The following PATJ variants were observed in gnomAD, a reference collection of about 807,000 sequenced individuals.
PATJ encodes the protein PATJ crumbs cell polarity complex component.
PATJ carries 190 observed loss-of-function variants against 224.9 expected under a neutral mutation model. The observed-to-expected ratio is 0.84, with a 90% CI of 0.75 to 0.95. The LOEUF is 0.95. PATJ is among the 40% of genes least tolerant of loss of function. The pLI is 0.00. For synonymous variants in PATJ, 769 were observed against 820.3 expected (o/e 0.94, Z 1.07); for missense variants, 2,121 against 2,270.3 (o/e 0.93, Z 1.34).
chr1:62,111,009 C>A (rs17123095), intron 34 of PATJ, among the ~76,000 whole-genome samples: 2,681 of 152,318 alleles, frequency 0.018, 87 homozygotes, highest in African/African-American at 0.061. Flanking sequence ...CGGCACATTT[C>A]GTGGTATCTC....
chr1:61,865,790 T>A (rs139388690), intron 20 of PATJ, among the ~76,000 whole-genome samples: 347 of 152,274 alleles, frequency 2.3e-3, no homozygotes, highest in Admixed American at 5.8e-3. Flanking sequence ...TGCTTCCCTC[T>A]CTGAGGTTGG....
Position 61,822,856 on chromosome 1 carries a change from G to T in PATJ, c.1684-89G>T, listed in dbSNP as rs939865099. On this transcript the variant is annotated intron_variant, in intron 14 of 43. Coordinates refer to ENST00000642238, the MANE Select transcript of PATJ (RefSeq NM_001350145.3). ...TTGGTGATCTAATTCAAGAGGTGGG[G>T]TTTTTCACTTCAAAATAGCACTGGA... is the stretch of plus-strand genomic sequence containing the variant. The T allele has an allele frequency of 8.8e-6, 13 of 1,471,528 alleles. No homozygotes were observed. The South Asian group carries it at 1.6e-4, about 18-fold the overall frequency. 91.2% of individuals were successfully genotyped at this position (1,471,528 alleles called of 1,614,324 possible).
At chr1:61,882,579 T>C (rs913065195) in intron 21 of PATJ, among the ~76,000 whole-genome samples, 1 of 152,126 alleles carries the variant, frequency 6.6e-6, no homozygotes, top group African/African-American at 2.4e-5. Context: ...ATCTTCTGGG[T>C]TTCTTTTTCC....
intron 10 of PATJ, 115 bp downstream of exon 10, chr1:61,795,673 A>T: frequency 1.8e-6 from 1 of 563,760 alleles, no homozygotes; most frequent in Non-Finnish European, 3.0e-6. Context: ...GTTTTTTAAA[A>T]AATTAAGTTT....
chr1:61,794,012 C>T (rs1650487880), intron 9 of PATJ, among the ~76,000 whole-genome samples: 1 of 146,658 alleles, frequency 6.8e-6, no homozygotes, highest in Admixed American at 6.9e-5. Flanking sequence ...AAGCGATTCT[C>T]CTGCCTCAGC....
At chr1:62,114,499 G>T (rs950970515) in intron 35 of PATJ, 10 of 336,848 alleles carry the variant, frequency 3.0e-5, no homozygotes, top group Middle Eastern at 7.9e-4. Flanking sequence ...AACTAGCAAG[G>T]TTCTTTCACT....
chr1:62,034,442 C>CAAA (rs58542108), intron 29 of PATJ, among the ~76,000 whole-genome samples: 18 of 100,126 alleles, frequency 1.8e-4, no homozygotes, highest in Non-Finnish European at 2.7e-4. Flanking sequence ...GACTCTGTCT[C>CAAA]AAAAAAAAAA....
rs371182056 is a variant in PATJ at position 61,897,820 on chromosome 1, G to A, written c.3132-1763G>A. Among the ~76,000 whole-genome samples, 9 of 150,414 alleles carry A rather than the reference G, an allele frequency of 6.0e-5. No individual in the cohort carries two copies. The South Asian group carries it at 8.7e-4, about 14-fold the overall frequency. On this transcript the variant is annotated intron_variant, in intron 22 of 43. Coordinates refer to ENST00000642238, the MANE Select transcript of PATJ (RefSeq NM_001350145.3). ...TTATGGAAGAAGGGGAGAAAAAGAC[G>A]TTAGAAAGTAACCAGCAAGGGTCTG...
intron 28 of PATJ, among the ~76,000 whole-genome samples, chr1:61,995,668 G>A (rs1389354887): frequency 1.3e-5 from 2 of 152,176 alleles, no homozygotes; most frequent in African/African-American, 4.8e-5. Flanking sequence ...AAGACAATAT[G>A]ATTAAATCTC....
intron 27 of PATJ, among the ~76,000 whole-genome samples, chr1:61,974,405 CTTTTTTTTTTTTT>C (rs149825131): frequency 1.6e-5 from 1 of 64,270 alleles, no homozygotes; most frequent in African/African-American, 6.3e-5. Context: ...CTCTCTCTCT[CTTTTTTTTTTTTT>C]TTTTTTTTTT....
At chr1:61,818,710 C>G (rs1198120025) in intron 14 of PATJ, among the ~76,000 whole-genome samples, 1 of 152,128 alleles carries the variant, frequency 6.6e-6, no homozygotes, top group African/African-American at 2.4e-5. Flanking sequence ...TTTTGTTCAC[C>G]ATTTAAGTTT....
intron 20 of PATJ, among the ~76,000 whole-genome samples, chr1:61,869,937 C>T (rs943098112): frequency 4.6e-5 from 7 of 152,194 alleles, no homozygotes; most frequent in Non-Finnish European, 1.0e-4. Context: ...AGGGGAGGTG[C>T]GTGCAATCCC....
At chr1:62,068,880 TACA>T (rs1656933881) in intron 31 of PATJ, among the ~76,000 whole-genome samples, 1 of 152,220 alleles carries the variant, frequency 6.6e-6, no homozygotes, top group South Asian at 2.1e-4. Flanking sequence ...ATGACCTTTC[TACA>T]ACATTTCTTC....
intron 27 of PATJ, among the ~76,000 whole-genome samples, chr1:61,953,130 G>A (rs1679960921): frequency 6.6e-6 from 1 of 152,046 alleles, no homozygotes; most frequent in Non-Finnish European, 1.5e-5. Flanking sequence ...ATAATTTCAT[G>A]CAATAGAGTA....
At chr1:61,976,627 C>T (rs1383165873) in intron 27 of PATJ, among the ~76,000 whole-genome samples, 1 of 151,948 alleles carries the variant, frequency 6.6e-6, no homozygotes, top group African/African-American at 2.4e-5. Context: ...AGGCTGGTCT[C>T]GAGCTTCTGA....
intron 28 of PATJ, among the ~76,000 whole-genome samples, chr1:62,002,482 G>A (rs1352800494): frequency 6.6e-6 from 1 of 152,098 alleles, no homozygotes; most frequent in Non-Finnish European, 1.5e-5. Flanking sequence ...TGAGGCGGGT[G>A]GATCATTTGA....
chr1:61,909,715 A>G (rs757336293), intron 25 of PATJ, among the ~76,000 whole-genome samples: 5 of 152,172 alleles, frequency 3.3e-5, no homozygotes, highest in South Asian at 2.1e-4. Flanking sequence ...ATATTTTAAA[A>G]AATTATTTGC....
intron 28 of PATJ, among the ~76,000 whole-genome samples, chr1:61,993,654 CAA>C (rs67007079): frequency 0.049 from 7,464 of 151,986 alleles, 622 homozygotes; most frequent in African/African-American, 0.17. Context: ...AATATTAAAA[CAA>C]GAGATGTACC....
chr1:61,947,504 C>T (rs1678924740), intron 27 of PATJ, among the ~76,000 whole-genome samples: 2 of 152,144 alleles, frequency 1.3e-5, no homozygotes, highest in East Asian at 3.8e-4. Context: ...ATCCAACTTA[C>T]AAGGGATGTG....
Sources: allele counts gnomAD v4.1 joint callset (sites outside exome capture counted in the v4.1 genomes callset), GRCh38; gene constraint gnomAD v4.1.1; transcripts MANE v1.5; gene names NCBI Gene and HGNC (gene_info 2026-07-23, HGNC 2026-07-21).